Variants in DNAH6 observed in about 807,000 individuals in gnomAD.
DNAH6 encodes dynein axonemal heavy chain 6.
DNAH6 carries 340 observed loss-of-function variants against 491.4 expected under a neutral mutation model. That is an observed-to-expected ratio of 0.69 (90% confidence interval 0.63 to 0.76). DNAH6 has a LOEUF of 0.76. DNAH6 is among the 30% of genes least tolerant of loss of function. The pLI is 0.00. For missense variants in DNAH6, 4,443 were observed against 4,972.2 expected, an observed-to-expected ratio of 0.89 and a Z score of 3.20; for synonymous variants, 1,603 against 1,686.1, an observed-to-expected ratio of 0.95 and a Z score of 1.21.
At chr2:84,793,356 A>G (rs908522211) in intron 68 of DNAH6, among the ~76,000 whole-genome samples, 3 of 152,242 alleles carry the variant, frequency 2.0e-5, no homozygotes, top group Non-Finnish European at 1.5e-5. Flanking sequence ...AGTTTGACCC[A>G]TGAAAAAGGA....
chr2:84,558,014 T>C (rs1410692094), intron 11 of DNAH6, 79 bp downstream of exon 11: 4 of 960,464 alleles, frequency 4.2e-6, no homozygotes, highest in Non-Finnish European at 5.8e-6. Context: ...TTTTCTTTCT[T>C]ATCTTTAAAT....
the DNAH6 span, among the ~76,000 whole-genome samples, chr2:84,490,052 G>A: frequency 6.6e-6 from 1 of 152,064 alleles, no homozygotes; most frequent in East Asian, 1.9e-4. Flanking sequence ...ACCATACACT[G>A]TGAATCCCAG....
At chr2:84,528,239 A>G (rs1224699991) in intron 3 of DNAH6, among the ~76,000 whole-genome samples, 2 of 152,198 alleles carry the variant, frequency 1.3e-5, no homozygotes, top group African/African-American at 4.8e-5. Flanking sequence ...AAAGCAGGTT[A>G]GAAAGGCAGA....
chr2:84,659,456 G>A (rs1466709462), intron 37 of DNAH6, among the ~76,000 whole-genome samples: 1 of 152,148 alleles, frequency 6.6e-6, no homozygotes, highest in Non-Finnish European at 1.5e-5. Flanking sequence ...CAGTGTGAAA[G>A]TAACAGTGTG....
At chr2:84,516,261 T>C (rs569251959), upstream of DNAH6, among the ~76,000 whole-genome samples, 6 of 152,202 alleles carry the variant, frequency 3.9e-5, no homozygotes, top group Admixed American at 6.5e-5. Flanking sequence ...CTTTGGCTGC[T>C]CTGCCTACAC....
At position 84,619,863 on chromosome 2, in the gene DNAH6, A is replaced by G. The variant is rs1407209735; in HGVS notation, c.3751A>G (p.Thr1251Ala). 6.4e-7 allele frequency: 1 copy of G among 1,551,354 alleles called. No individual in the cohort carries two copies. The highest frequency in any genetic ancestry group is 1.4e-5 in the African/African-American group (1 of 73,132). The change falls in exon 24 of 77, where the codon ACT (threonine) becomes GCT (alanine). Residue 1251 changes from threonine to alanine, a missense_variant. Around this residue, in one of 3 missense-constraint regions of DNAH6, gnomAD observed 2,977 missense variants for 3,296.6 expected, o/e 0.90. Transcript: ENST00000389394. ...TGATGGAGAACCAGAAAAGGTTTATACTAATGATATTTTAGCAATGCTGTC... is the reference window on the plus strand; with the variant it reads ...TGATGGAGAACCAGAAAAGGTTTATGCTAATGATATTTTAGCAATGCTGTC... ...GIDGEPEKVY[T>A]NDILAMLSPE...
chr2:84,619,997 C>T, intron 24 of DNAH6, 93 bp downstream of exon 24: 1 of 1,112,480 alleles, frequency 9.0e-7, no homozygotes, highest in Non-Finnish European at 1.3e-6. Context: ...TCTGTTGGCT[C>T]AGCAGTTTCA....
At chr2:84,593,789 A>G (rs1414595712) in intron 16 of DNAH6, among the ~76,000 whole-genome samples, 183 bp from the exon 17 acceptor site, 2 of 150,438 alleles carry the variant, frequency 1.3e-5, no homozygotes, top group Non-Finnish European at 2.9e-5. Flanking sequence ...AGTCTAATAT[A>G]TGTGGGGTTT....
At chr2:84,768,209 T>A (rs1399167765) in intron 64 of DNAH6, among the ~76,000 whole-genome samples, 2 of 151,992 alleles carry the variant, frequency 1.3e-5, no homozygotes, top group African/African-American at 4.8e-5. Context: ...ACTTAGTAGT[T>A]AAATTCTACT....
chr2:84,569,127 A>G (rs1272413144), intron 11 of DNAH6, among the ~76,000 whole-genome samples: 2 of 152,202 alleles, frequency 1.3e-5, no homozygotes, highest in Non-Finnish European at 2.9e-5. Flanking sequence ...AAACTACCAA[A>G]ATAGCCATGT....
At chr2:84,560,396 T>A (rs572569762) in intron 11 of DNAH6, among the ~76,000 whole-genome samples, 1 of 151,902 alleles carries the variant, frequency 6.6e-6, no homozygotes, top group East Asian at 1.9e-4. Context: ...GAATTTTATC[T>A]AGCCAACCTA....
chr2:84,621,105 T>C, intron 24 of DNAH6, 86 bp from the exon 25 acceptor site: 1 of 1,384,894 alleles, frequency 7.2e-7, no homozygotes, highest in East Asian at 2.5e-5. Context: ...TTTATGTAGC[T>C]TAGGATTCTG....
At chr2:84,773,265 T>C (rs1335774977) in intron 64 of DNAH6, among the ~76,000 whole-genome samples, 1 of 152,056 alleles carries the variant, frequency 6.6e-6, no homozygotes, top group Admixed American at 6.6e-5. Context: ...AATCTTTATG[T>C]CCATGTGTAC....
At chr2:84,782,216 G>A (rs1261828493) in intron 65 of DNAH6, among the ~76,000 whole-genome samples, 1 of 152,152 alleles carries the variant, frequency 6.6e-6, no homozygotes. Context: ...GCAAAGAGAG[G>A]AAGTGGAATT....
chr2:84,607,220 G>C, intron 21 of DNAH6, 125 bp downstream of exon 21: 1 of 984,678 alleles, frequency 1.0e-6, no homozygotes, highest in Non-Finnish European at 1.5e-6. Context: ...TTGTGGACAT[G>C]TTATTGTGTT....
chr2:84,760,868 C>T (rs770928218), intron 63 of DNAH6, among the ~76,000 whole-genome samples: 1 of 152,134 alleles, frequency 6.6e-6, no homozygotes, highest in Non-Finnish European at 1.5e-5. Context: ...GCCTCGACCT[C>T]CTGAAGTGCT....
chr2:84,686,579 G>A, intron 44 of DNAH6, 22 bp downstream of exon 44: 1 of 1,276,966 alleles, frequency 7.8e-7, no homozygotes, highest in Non-Finnish European at 1.1e-6. Context: ...AGATTGACTT[G>A]ACCTCATTTG....
chr2:84,662,065 G>C (rs116792113), intron 37 of DNAH6, among the ~76,000 whole-genome samples: 12 of 152,008 alleles, frequency 7.9e-5, no homozygotes, highest in African/African-American at 2.9e-4. Context: ...CTCTAAAATG[G>C]ACTCTTAAAA....
the DNAH6 span, among the ~76,000 whole-genome samples, chr2:84,493,667 A>C: frequency 6.6e-6 from 1 of 152,186 alleles, no homozygotes; most frequent in Non-Finnish European, 1.5e-5. Flanking sequence ...TTAAAAAGTT[A>C]TGTAAATGAG....
Sources: gnomAD v4.1 joint callset for allele counts (sites outside exome capture counted in the v4.1 genomes callset) on GRCh38, gnomAD v4.1.1 for gene constraint, gnomAD v4.1.1 regional missense constraint, MANE v1.5 for transcripts, NCBI Gene and HGNC (gene_info 2026-07-23, HGNC 2026-07-21) for gene names.